Variants in EML6 observed in about 807,000 individuals in gnomAD.
EML6 encodes the protein EMAP like 6, also known as echinoderm microtubule-associated protein-like 6.
EML6 carries 154 observed loss-of-function variants against 240.1 expected under a neutral mutation model. The ratio of observed to expected loss-of-function variants is 0.64; its 90% confidence interval spans 0.56 to 0.73. The LOEUF (loss-of-function observed/expected upper bound fraction) is 0.73. EML6 is among the 30% of genes least tolerant of loss of function. The pLI is 0.00. For missense variants in EML6, 2,964 were observed against 2,474.6 expected (o/e 1.20, Z -4.20); for synonymous variants, 1,148 against 899.0 (o/e 1.28, Z -4.95).
chr2:54,751,028 T>C (rs1233617670), intron 2 of EML6, among the ~76,000 whole-genome samples: 1 of 152,174 alleles, frequency 6.6e-6, no homozygotes, highest in Non-Finnish European at 1.5e-5. Context: ...CAAGAAAGCC[T>C]GGAAAATAAT....
chr2:54,788,865 T>C (rs1169100060), intron 2 of EML6, among the ~76,000 whole-genome samples: 2 of 152,194 alleles, frequency 1.3e-5, no homozygotes, highest in African/African-American at 4.8e-5. Flanking sequence ...ATTGGCTAGA[T>C]GAAAAATGGA....
Position 54,928,470 on chromosome 2 carries a change from T to G in EML6, c.3833T>G (p.Leu1278Arg). ...REFVGTQESK[L>R]VDSEESDTDV... ...TTTGTGGGGACCCAGGAGAGCAAGCTGGTGGACAGCGAGGAGTCAGACACC... is the reference window on the plus strand; with the variant it reads ...TTTGTGGGGACCCAGGAGAGCAAGCGGGTGGACAGCGAGGAGTCAGACACC... The change falls in exon 27 of 42, where the codon CTG becomes CGG. Residue 1278 changes from leucine (L) to arginine (R), a missense_variant. By Grantham distance (102) the Leu-to-Arg change is moderately radical (BLOSUM62 -2). Coordinates refer to ENST00000356458, the MANE Select transcript of EML6 (RefSeq NM_001039753.4). 1 of 1,549,250 alleles carries G rather than the reference T, an allele frequency of 6.5e-7. No homozygotes were observed. Among genetic ancestry groups the G allele is most frequent in the Non-Finnish European group, 8.7e-7 (1 of 1,145,428 alleles).
At chr2:54,758,279 T>C (rs1183179109) in intron 2 of EML6, among the ~76,000 whole-genome samples, 1 of 152,186 alleles carries the variant, frequency 6.6e-6, no homozygotes, top group Non-Finnish European at 1.5e-5. Flanking sequence ...TCCTGAGTCT[T>C]CCTTACAGTG....
intron 26 of EML6, among the ~76,000 whole-genome samples, chr2:54,919,731 C>A (rs13011849): frequency 6.6e-6 from 1 of 151,912 alleles, no homozygotes; most frequent in African/African-American, 2.4e-5. Context: ...ACTAAATCCC[C>A]CACAGTACTA....
chr2:54,863,821 G>T lies in EML6; in HGVS notation c.1864G>T (p.Asp622Tyr), dbSNP rs1357042837. ...TTCCTACAGTGAAGAATCTGATTCA[G>T]ATTTATCTGATGTGCCCGAACTGGA... ...ADSYSEESDS[D>Y]LSDVPELDSD... The change falls in exon 13 of 42, where the codon GAT becomes TAT. Residue 622 changes from aspartate to tyrosine, a missense_variant. Asp to Tyr is a radical substitution (Grantham distance 160). Transcript: ENST00000356458. 1 of 1,549,542 alleles carries T rather than the reference G, an allele frequency of 6.5e-7. No individual in the cohort carries two copies.
chr2:54,829,232 GTTTTA>G, intron 6 of EML6, 105 bp from the exon 7 acceptor site: 1 of 1,021,600 alleles, frequency 9.8e-7, no homozygotes, highest in Non-Finnish European at 1.4e-6. Context: ...GAACAAAGGG[GTTTTA>G]TTTTTGTTTT....
chr2:54,917,354 TTTTG>T (rs1390711294), intron 26 of EML6, among the ~76,000 whole-genome samples: 2 of 100,652 alleles, frequency 2.0e-5, no homozygotes. Context: ...CCCTTTTTTT[TTTTG>T]TTTTTTTTTT....
intron 40 of EML6, 39 bp from the exon 41 acceptor site, chr2:54,968,629 C>G: frequency 1.6e-6 from 2 of 1,229,288 alleles, no homozygotes; most frequent in Non-Finnish European, 2.3e-6. Flanking sequence ...TGAGAGGAGC[C>G]AGGGTCTCTT....
chr2:54,943,057 A>G (rs1385218878), intron 28 of EML6, among the ~76,000 whole-genome samples: 1 of 152,008 alleles, frequency 6.6e-6, no homozygotes, highest in Non-Finnish European at 1.5e-5. Context: ...ATGGCCCTCC[A>G]AGCTCCTCCA....
At chr2:54,914,344 T>C (rs554613018) in intron 25 of EML6, among the ~76,000 whole-genome samples, 1 of 152,298 alleles carries the variant, frequency 6.6e-6, no homozygotes, top group South Asian at 2.1e-4. Flanking sequence ...ATTTCTCCTG[T>C]GGATTTAAGT....
intron 2 of EML6, among the ~76,000 whole-genome samples, chr2:54,779,908 G>GGGGAGAGA (rs1668775041): frequency 6.6e-6 from 1 of 150,722 alleles, no homozygotes. Flanking sequence ...GCAGGAGGGA[G>GGGGAGAGA]GGGAGAGAGG....
Position 54,970,183 on chromosome 2 carries a change from C to G in EML6, c.*88C>G. On this transcript the variant is annotated 3_prime_UTR_variant, in exon 42 of 42. Coordinates refer to ENST00000356458, the MANE Select transcript of EML6 (RefSeq NM_001039753.4). ...GCTGAGGTGCCTCCTTGCCACCAGC[C>G]GTTGGGAAATGCCTACCATGCTGCC... 1.5e-6 allele frequency: 2 copies of G among 1,340,366 alleles called. No individual in the cohort carries two copies. The highest frequency in any genetic ancestry group is 2.1e-6 in the Non-Finnish European group (2 of 955,504). 83.0% of individuals were successfully genotyped at this position (1,340,366 alleles called of 1,614,324 possible). A position where few individuals can be genotyped will look rare whatever the true frequency, so the allele number is the denominator to read the frequency against.
intron 5 of EML6, among the ~76,000 whole-genome samples, chr2:54,827,078 C>T (rs867758795): frequency 6.6e-6 from 1 of 152,170 alleles, no homozygotes; most frequent in Non-Finnish European, 1.5e-5. Context: ...GAGGCTGATA[C>T]ACAAGAATCA....
chr2:54,773,539 A>T (rs539496182), intron 2 of EML6, among the ~76,000 whole-genome samples: 10 of 152,348 alleles, frequency 6.6e-5, no homozygotes, highest in South Asian at 4.1e-4. Flanking sequence ...TCATCTTTGG[A>T]GGGGAATTTC....
chr2:54,888,229 C>A, intron 17 of EML6, among the ~76,000 whole-genome samples: 1 of 152,130 alleles, frequency 6.6e-6, no homozygotes, highest in East Asian at 1.9e-4. Flanking sequence ...GCAGTGTGGC[C>A]GGGAGACATG....
chr2:54,756,222 C>T (rs1667724576), intron 2 of EML6, among the ~76,000 whole-genome samples: 1 of 152,124 alleles, frequency 6.6e-6, no homozygotes, highest in African/African-American at 2.4e-5. Context: ...CTTTAATGTT[C>T]AGGGCATTGC....
At chr2:54,745,368 CA>C (rs1273278730) in intron 2 of EML6, among the ~76,000 whole-genome samples, 1 of 152,002 alleles carries the variant, frequency 6.6e-6, no homozygotes, top group Non-Finnish European at 1.5e-5. Context: ...GAAAGGTAGC[CA>C]GATGGATAAA....
chr2:54,889,163 A>C (rs879262651), intron 17 of EML6, among the ~76,000 whole-genome samples: 1 of 152,174 alleles, frequency 6.6e-6, no homozygotes, highest in African/African-American at 2.4e-5. Flanking sequence ...CAGTCAACTC[A>C]TACACAGGTA....
chr2:54,811,005 C>T (rs1168747269), intron 2 of EML6, among the ~76,000 whole-genome samples: 1 of 152,202 alleles, frequency 6.6e-6, no homozygotes, highest in Non-Finnish European at 1.5e-5. Flanking sequence ...CTTCTGTCAA[C>T]TTTAATGTGC....
Sources: gnomAD v4.1 joint callset for allele counts (sites outside exome capture counted in the v4.1 genomes callset) on GRCh38, gnomAD v4.1.1 for gene constraint, MANE v1.5 for transcripts, NCBI Gene and HGNC (gene_info 2026-07-23, HGNC 2026-07-21) for gene names.